The following SLC22A4 variants were observed in gnomAD, a reference collection of about 807,000 sequenced individuals.
SLC22A4 encodes the protein ET transporter.
SLC22A4 carries 39 observed loss-of-function variants against 56.6 expected under a neutral mutation model. The ratio of observed to expected loss-of-function variants is 0.69; its 90% CI spans 0.53 to 0.90. SLC22A4 has a LOEUF of 0.90. Ranked by LOEUF, SLC22A4 falls within the 40% of genes least tolerant of loss-of-function variation. SLC22A4 has a pLI of 0.00. For missense variants in SLC22A4, 594 were observed against 696.5 expected (o/e 0.85, Z 1.66); for synonymous variants, 241 against 281.4 (o/e 0.86, Z 1.44).
chr5:132,340,288 C>T (rs2306772), intron 8 of SLC22A4, among the ~76,000 whole-genome samples: 11,646 of 151,914 alleles, frequency 0.077, 569 homozygotes, highest in East Asian at 0.27. Context: ...AAGAACTCTA[C>T]CAAAGGAACA....
chr5:132,319,184 C>G (rs1437802106), intron 3 of SLC22A4, among the ~76,000 whole-genome samples: 1 of 151,834 alleles, frequency 6.6e-6, no homozygotes. Flanking sequence ...CGCCTGTAGT[C>G]CTAGCTACTT....
intron 1 of SLC22A4, chr5:132,295,618 C>G (rs1271156344): frequency 3.8e-6 from 1 of 263,774 alleles, no homozygotes; most frequent in Non-Finnish European, 7.5e-6. Context: ...TCTCTGAGCA[C>G]AGGGTGAGTT....
At chr5:132,302,891 T>TA (rs1366176750) in intron 1 of SLC22A4, among the ~76,000 whole-genome samples, 1 of 152,220 alleles carries the variant, frequency 6.6e-6, no homozygotes, top group Non-Finnish European at 1.5e-5. Context: ...CAGTGAGGCT[T>TA]TTCCATCTGT....
intron 8 of SLC22A4, among the ~76,000 whole-genome samples, chr5:132,340,027 T>A: frequency 6.6e-6 from 1 of 151,656 alleles, no homozygotes; most frequent in East Asian, 1.9e-4. Flanking sequence ...ACTTATAATT[T>A]ACTGATTTAA....
chr5:132,294,562 C>T lies in SLC22A4; in HGVS notation c.-55C>T, dbSNP rs1749728517. On this transcript the variant is annotated 5_prime_UTR_variant, in exon 1 of 10. Coordinates refer to ENST00000200652, the MANE Select transcript of SLC22A4 (RefSeq NM_003059.3). This position sits in a 1 kb window ranked among gnomAD's most constrained non-coding sequence, Gnocchi z 5.6. Reference sequence around the variant, plus strand: ...GAGCGCCCCAGCTACAAGACACTGTCCTGAGAACGCTGTCATCACCCGTAG... The same window carrying T: ...GAGCGCCCCAGCTACAAGACACTGTTCTGAGAACGCTGTCATCACCCGTAG... The T allele has an allele frequency of 6.2e-7, 1 of 1,612,622 alleles. No homozygotes were observed. Among genetic ancestry groups the T allele is most frequent in the African/African-American group, 1.3e-5 (1 of 74,918 alleles).
At chr5:132,314,445 C>A (rs1218338585) in intron 3 of SLC22A4, among the ~76,000 whole-genome samples, 3 of 152,142 alleles carry the variant, frequency 2.0e-5, no homozygotes, top group African/African-American at 7.2e-5. Flanking sequence ...TGATGAGGGT[C>A]ATCCACAGGA....
At chr5:132,297,043 C>A (rs1427043647) in intron 1 of SLC22A4, among the ~76,000 whole-genome samples, 3 of 152,200 alleles carry the variant, frequency 2.0e-5, no homozygotes, top group Admixed American at 6.5e-5. Flanking sequence ...AGGGGCTGGG[C>A]ACAGTGGCTC....
chr5:132,299,952 C>A (rs1749874047), intron 1 of SLC22A4, among the ~76,000 whole-genome samples: 1 of 152,144 alleles, frequency 6.6e-6, no homozygotes, highest in South Asian at 2.1e-4. Flanking sequence ...TTGGATTTCA[C>A]CAGTTTTTCT....
intron 4 of SLC22A4, among the ~76,000 whole-genome samples, chr5:132,326,968 A>G (rs138014409): frequency 4.9e-4 from 74 of 152,362 alleles, no homozygotes; most frequent in East Asian, 1.7e-3. Flanking sequence ...TATGAGCCAC[A>G]CTACCTATAA....
At chr5:132,304,608 C>T (rs1749982331) in intron 1 of SLC22A4, among the ~76,000 whole-genome samples, 1 of 152,070 alleles carries the variant, frequency 6.6e-6, no homozygotes, top group South Asian at 2.1e-4. Context: ...CAGAGTGAGA[C>T]TTCATCTCGG....
rs1185624466 is a variant in SLC22A4 at position 132,294,411 on chromosome 5, A to T, written c.-206A>T. 1 of 660,630 alleles carries T rather than the reference A, an allele frequency of 1.5e-6. No homozygotes were observed. The allele number at this position is 660,630 out of a possible 1,614,324, so 40.9% of individuals were successfully genotyped here. On this transcript the variant is annotated 5_prime_UTR_variant, in exon 1 of 10. Coordinates refer to ENST00000200652, the MANE Select transcript of SLC22A4 (RefSeq NM_003059.3). This position sits in a 1 kb window ranked among gnomAD's most constrained non-coding sequence, Gnocchi z 5.6. Reference sequence around the variant, plus strand: ...GTGGTCCCAAGTGTACAGTGGCATCAAGCTCAGCGCGAGCTCCCGGGAACG... The same window carrying T: ...GTGGTCCCAAGTGTACAGTGGCATCTAGCTCAGCGCGAGCTCCCGGGAACG...
chr5:132,306,957 C>T (rs71583469), intron 1 of SLC22A4, among the ~76,000 whole-genome samples: 3 of 152,050 alleles, frequency 2.0e-5, no homozygotes, highest in South Asian at 2.1e-4. Flanking sequence ...GAGGAAGTAG[C>T]GAATGAGGAG....
chr5:132,298,589 T>C (rs528877644), intron 1 of SLC22A4, among the ~76,000 whole-genome samples: 1 of 152,354 alleles, frequency 6.6e-6, no homozygotes, highest in South Asian at 2.1e-4. Context: ...ATGGCTAAGA[T>C]GGTAAACTGT....
intron 6 of SLC22A4, among the ~76,000 whole-genome samples, chr5:132,334,241 C>G (rs1750951156): frequency 6.6e-6 from 1 of 152,206 alleles, no homozygotes; most frequent in South Asian, 2.1e-4. Context: ...AAGTGAATCC[C>G]ACAGTATGAC....
At chr5:132,313,917 A>C in intron 3 of SLC22A4, 149 bp downstream of exon 3, 2 of 862,480 alleles carry the variant, frequency 2.3e-6, no homozygotes, top group Non-Finnish European at 3.8e-6. Context: ...TCTTGGAGCA[A>C]GTCAGGGGCA....
intron 3 of SLC22A4, among the ~76,000 whole-genome samples, chr5:132,314,990 G>A (rs143649736): frequency 0.01 from 1,567 of 152,242 alleles, 21 homozygotes; most frequent in Non-Finnish European, 0.017. Context: ...GGGAAGGAGC[G>A]GGGCAAGATT....
chr5:132,303,482 T>G (rs74615776), intron 1 of SLC22A4, among the ~76,000 whole-genome samples: 1 of 152,082 alleles, frequency 6.6e-6, no homozygotes, highest in Non-Finnish European at 1.5e-5. Context: ...TAGGTGGGTA[T>G]GGCCAAGAAA....
intron 3 of SLC22A4, among the ~76,000 whole-genome samples, chr5:132,319,990 T>C (rs1750482407): frequency 6.6e-6 from 1 of 152,188 alleles, no homozygotes; most frequent in South Asian, 2.1e-4. Flanking sequence ...CTCAAAAAAA[T>C]GCTAGCTGTG....
At position 132,339,685 on chromosome 5, in the gene SLC22A4, A is replaced by G. The variant is rs528364682; in HGVS notation, c.1445-880A>G. 2.6e-4 allele frequency among the ~76,000 whole-genome samples: 40 copies of G among 152,260 alleles called. No homozygotes were observed. The South Asian group carries it at 8.1e-3, about 31-fold the overall frequency. ...CTGTACTTTCAAACTATTTCAAACT[A>G]TGCTCAGATGGTCCAGTGGTCAGAC... is the stretch of plus-strand genomic sequence containing the variant. On this transcript the variant is annotated intron_variant, in intron 8 of 9. Transcript: ENST00000200652.
Sources: gnomAD v4.1 joint callset for allele counts (sites outside exome capture counted in the v4.1 genomes callset) on GRCh38, gnomAD v4.1.1 for gene constraint, Gnocchi (gnomAD v3.1) non-coding constraint, MANE v1.5 for transcripts, NCBI Gene and HGNC (gene_info 2026-07-23, HGNC 2026-07-21) for gene names.